Variants in PID1 observed in about 807,000 individuals in gnomAD.
PID1 encodes phosphotyrosine interaction domain containing 1.
Under a neutral mutation model 19.1 loss-of-function variants are expected in PID1, and 10 were observed. The observed-to-expected ratio is 0.52, with a 90% CI of 0.32 to 0.89. PID1 has a LOEUF of 0.89. Among genes scored for constraint, PID1 ranks in the 40% least tolerant of loss-of-function variants. The pLI, the probability that PID1 is intolerant of heterozygous loss-of-function variation, is 0.03. For synonymous variants in PID1, 130 were observed against 116.0 expected (o/e 1.12, Z -0.78); for missense variants, 248 against 285.3 (o/e 0.87, Z 0.94).
chr2:229,084,677 A>G (rs1433917864), intron 2 of PID1, among the ~76,000 whole-genome samples: 1 of 152,196 alleles, frequency 6.6e-6, no homozygotes, highest in Non-Finnish European at 1.5e-5. Flanking sequence ...TTGTTGTATG[A>G]CCATTAAAAA....
chr2:229,140,052 C>T (rs1689979257), intron 2 of PID1, among the ~76,000 whole-genome samples: 1 of 152,116 alleles, frequency 6.6e-6, no homozygotes, highest in African/African-American at 2.4e-5. Context: ...AAGAAGCAGC[C>T]TCCATGTCCT....
chr2:229,238,093 A>C (rs1689767112), intron 1 of PID1, among the ~76,000 whole-genome samples: 1 of 152,182 alleles, frequency 6.6e-6, no homozygotes. Context: ...CTTTCCATTT[A>C]ATATGAATTG....
chr2:229,063,029 C>T (rs970928626), intron 2 of PID1, among the ~76,000 whole-genome samples: 1 of 151,956 alleles, frequency 6.6e-6, no homozygotes, highest in African/African-American at 2.4e-5. Context: ...CTTAGTCTGG[C>T]TAAAGGTTTA....
Position 229,111,473 on chromosome 2 carries a change from CT to C in PID1, c.177+44344del, listed in dbSNP as rs551182534. 8.5e-5 allele frequency among the ~76,000 whole-genome samples: 13 copies of C among 152,240 alleles called. No homozygotes were observed. The South Asian group carries it at 2.7e-3, about 32-fold the overall frequency. On this transcript the variant is annotated intron_variant, in intron 2 of 2. Coordinates refer to ENST00000392055, the MANE Select transcript of PID1 (RefSeq NM_001100818.2). The stretch of plus-strand genomic sequence containing the variant: ...AGTAATATTGTTCTGACGCAAAAAT[CT>C]ACAATTAAGATATTTTATATTTATT...
chr2:229,263,916 A>G (rs1374220864), intron 1 of PID1, among the ~76,000 whole-genome samples: 1 of 152,164 alleles, frequency 6.6e-6, no homozygotes, highest in African/African-American at 2.4e-5. Context: ...GGTGGCTGCT[A>G]TTGTTATTAT....
At chr2:229,133,025 C>T (rs553760474) in intron 2 of PID1, among the ~76,000 whole-genome samples, 1 of 152,242 alleles carries the variant, frequency 6.6e-6, no homozygotes, top group East Asian at 1.9e-4. Context: ...GCATTTCATG[C>T]ATTTTTAATC....
chr2:229,265,152 T>G (rs180811994), intron 1 of PID1, among the ~76,000 whole-genome samples: 11 of 152,336 alleles, frequency 7.2e-5, no homozygotes, highest in Admixed American at 2.0e-4. Context: ...ATTTTTTTTT[T>G]ACCCAAATGA....
At chr2:229,121,881 A>G (rs1695528927) in intron 2 of PID1, among the ~76,000 whole-genome samples, 1 of 152,192 alleles carries the variant, frequency 6.6e-6, no homozygotes, top group Admixed American at 6.5e-5. Flanking sequence ...ATAATACAAT[A>G]GAAAACAGAG....
At chr2:229,259,774 AGAT>A (rs1690407930) in intron 1 of PID1, among the ~76,000 whole-genome samples, 1 of 152,194 alleles carries the variant, frequency 6.6e-6, no homozygotes, top group Admixed American at 6.5e-5. Flanking sequence ...TGGTATGAGG[AGAT>A]GAAACCTTTG....
intron 1 of PID1, among the ~76,000 whole-genome samples, chr2:229,217,759 T>C (rs1310300223): frequency 6.6e-6 from 1 of 152,234 alleles, no homozygotes; most frequent in African/African-American, 2.4e-5. Context: ...TCTGATTTTG[T>C]AAGAATTTCC....
At chr2:229,222,858 C>CATACAA (rs1261150672) in intron 1 of PID1, among the ~76,000 whole-genome samples, 1 of 87,246 alleles carries the variant, frequency 1.1e-5, no homozygotes, top group African/African-American at 5.8e-5. Context: ...AGTCTCTTCA[C>CATACAA]ACACAAACAC....
intron 2 of PID1, among the ~76,000 whole-genome samples, chr2:229,073,314 C>A (rs991793868): frequency 6.6e-6 from 1 of 152,130 alleles, no homozygotes; most frequent in Non-Finnish European, 1.5e-5. Context: ...TGTGAGCCAC[C>A]GCGCCCAGCC....
In PID1 at chr2:229,073,277, G is replaced by A. The variant is rs186684719; in HGVS notation, c.178-47169C>T. 1.6e-4 allele frequency among the ~76,000 whole-genome samples: 25 copies of A among 152,176 alleles called. No homozygotes were observed. The East Asian group carries it at 4.3e-3, about 26-fold the overall frequency. On this transcript the variant is annotated intron_variant, in intron 2 of 2. Transcript: ENST00000392055. ...CCTGACCTCGTGATCCGCCTGACTC[G>A]GCCTCCCAAAGTGCTGGGATTACAG...
intron 1 of PID1, chr2:229,262,953 T>C (rs1690499263): frequency 7.2e-7 from 1 of 1,391,092 alleles, no homozygotes; most frequent in African/African-American, 1.5e-5. Context: ...GACCTCATCT[T>C]AACTTGCTTA....
At chr2:229,069,010 C>T (rs1341649453) in intron 2 of PID1, among the ~76,000 whole-genome samples, 1 of 152,148 alleles carries the variant, frequency 6.6e-6, no homozygotes, top group East Asian at 1.9e-4. Context: ...TGTCCTTTCT[C>T]TCTTTGAGGA....
intron 2 of PID1, among the ~76,000 whole-genome samples, chr2:229,124,980 T>G (rs982228361): frequency 6.6e-6 from 1 of 152,230 alleles, no homozygotes; most frequent in African/African-American, 2.4e-5. Flanking sequence ...TAAATGTCTA[T>G]ACGTGTGTGA....
chr2:229,111,112 G>A (rs1236112748), intron 2 of PID1, among the ~76,000 whole-genome samples: 1 of 152,070 alleles, frequency 6.6e-6, no homozygotes. Context: ...CTTGCCTTTT[G>A]CCTTCCACCA....
At chr2:229,055,734 T>C (rs770898631) in intron 2 of PID1, among the ~76,000 whole-genome samples, 5 of 152,256 alleles carry the variant, frequency 3.3e-5, no homozygotes, top group Non-Finnish European at 4.4e-5. Context: ...TTTTGCTGTG[T>C]AAAGCAGGAT....
chr2:229,186,190 T>C (rs553279844), intron 1 of PID1, among the ~76,000 whole-genome samples: 2 of 152,302 alleles, frequency 1.3e-5, no homozygotes, highest in South Asian at 4.1e-4. Flanking sequence ...TGAGTTCCTA[T>C]GGTCTTGGGC....
Sources: allele counts gnomAD v4.1 joint callset (sites outside exome capture counted in the v4.1 genomes callset), GRCh38; gene constraint gnomAD v4.1.1; transcripts MANE v1.5; gene names NCBI Gene and HGNC (gene_info 2026-07-23, HGNC 2026-07-21).